Variants in TAB2 observed in about 807,000 individuals in gnomAD.
TAB2 encodes TGF-beta activated kinase 1 (MAP3K7) binding protein 2.
A neutral mutation model predicts 65.0 loss-of-function variants in TAB2; 3 were observed. The observed-to-expected ratio is 0.05, with a 90% confidence interval of 0.02 to 0.12. The LOEUF (loss-of-function observed/expected upper bound fraction) is 0.12, where lower values mean the gene tolerates loss of function less well. Among genes scored for constraint, TAB2 ranks in the 10% least tolerant of loss-of-function variants. TAB2 has a pLI of 1.00. For synonymous variants in TAB2, 298 were observed against 285.1 expected, an observed-to-expected ratio of 1.05 and a Z score of -0.46; for missense variants, 623 against 840.3, an observed-to-expected ratio of 0.74 and a Z score of 3.20.
chr6:149,264,953 A>G (rs1778230605), intron 1 of TAB2, among the ~76,000 whole-genome samples: 1 of 152,266 alleles, frequency 6.6e-6, no homozygotes, highest in Non-Finnish European at 1.5e-5. Context: ...TAGAAGAAGC[A>G]TAAACCATTT....
At chr6:149,253,794 C>T (rs376404053) in intron 1 of TAB2, among the ~76,000 whole-genome samples, 12 of 149,850 alleles carry the variant, frequency 8.0e-5, no homozygotes, top group Middle Eastern at 3.2e-3. Context: ...TGGTGGAGCA[C>T]GCCTGTAATC....
chr6:149,345,612 A>G (rs1423435014), intron 1 of TAB2, among the ~76,000 whole-genome samples: 2 of 152,174 alleles, frequency 1.3e-5, no homozygotes, highest in Non-Finnish European at 2.9e-5. Flanking sequence ...CCTTCCATCC[A>G]TGTGTCCTTC....
intron 6 of TAB2, among the ~76,000 whole-genome samples, chr6:149,399,540 C>CA (rs1782297153): frequency 6.9e-6 from 1 of 144,756 alleles, no homozygotes; most frequent in African/African-American, 2.5e-5. Flanking sequence ...TCCCCCCCCC[C>CA]ATGAGTATTT....
At chr6:149,385,631 A>G (rs1781767411) in intron 3 of TAB2, among the ~76,000 whole-genome samples, 1 of 152,174 alleles carries the variant, frequency 6.6e-6, no homozygotes, top group Non-Finnish European at 1.5e-5. Context: ...ATTTGGGGTA[A>G]ATGTCAGAAT....
At chr6:149,244,495 C>A (rs9399682) in intron 1 of TAB2, 10 of 152,282 alleles carry the variant, frequency 6.6e-5, no homozygotes, top group Admixed American at 3.3e-4. Context: ...GGATGTATCC[C>A]GGATAGAGGT....
intron 1 of TAB2, among the ~76,000 whole-genome samples, chr6:149,261,391 A>T (rs187409948): frequency 7.7e-4 from 118 of 152,384 alleles, no homozygotes; most frequent in Admixed American, 2.7e-3. Context: ...GTATTGGAAC[A>T]GATGAAAGCA....
Position 149,409,880 on chromosome 6 carries a change from A to G in TAB2, c.*161A>G. On this transcript the variant is annotated 3_prime_UTR_variant, in exon 7 of 7. Transcript: ENST00000637181. ...AATGTCAGCCCACAGAGCTAATAATACCTCAGTATAATGTCATGAGCAGTT... is the reference window on the plus strand; with the variant it reads ...AATGTCAGCCCACAGAGCTAATAATGCCTCAGTATAATGTCATGAGCAGTT... 1 of 769,820 alleles carries G rather than the reference A, an allele frequency of 1.3e-6. No homozygotes were observed. The highest frequency in any genetic ancestry group is 1.6e-5 in the South Asian group (1 of 62,386). 47.7% of individuals were successfully genotyped at this position (769,820 alleles called of 1,614,324 possible).
chr6:149,289,606 C>T (rs1778739200), intron 1 of TAB2, among the ~76,000 whole-genome samples: 1 of 152,332 alleles, frequency 6.6e-6, no homozygotes, highest in East Asian at 1.9e-4. Context: ...TCCACTCCAG[C>T]CACTGGGCCC....
At chr6:149,341,094 T>A (rs1393082367) in intron 1 of TAB2, among the ~76,000 whole-genome samples, 3 of 152,164 alleles carry the variant, frequency 2.0e-5, no homozygotes, top group Non-Finnish European at 4.4e-5. Context: ...TATGTTTTTT[T>A]AAAAAGGATT....
In TAB2 at chr6:149,335,229, A is replaced by G. The variant is rs141912820; in HGVS notation, c.-90+17214A>G. Among the ~76,000 whole-genome samples the G allele has an allele frequency of 7.9e-3, 1,197 of 152,110 alleles. 7 individuals are homozygous for G. Among genetic ancestry groups the G allele is most frequent in the Non-Finnish European group, 0.014 (983 of 67,996 alleles). ...AAAGGTGAAGATTATTTAGAATAAT[A>G]TCTACTACCATCATTACTACCACCC... On this transcript the variant is annotated intron_variant, in intron 1 of 6. Coordinates refer to ENST00000637181, the MANE Select transcript of TAB2 (RefSeq NM_001292034.3).
rs1270095728 is a variant in TAB2 at position 149,411,424 on chromosome 6, A to G, written c.*1705A>G. Reference sequence around the variant, plus strand: ...CTTACGTTTGATGCAATTTATTTTTAAAATAGGCCTTGTTTTTCAGCTTCA... The same window carrying G: ...CTTACGTTTGATGCAATTTATTTTTGAAATAGGCCTTGTTTTTCAGCTTCA... On this transcript the variant is annotated 3_prime_UTR_variant, in exon 7 of 7. Transcript: ENST00000637181. The G allele has an allele frequency of 6.6e-6, 1 of 152,630 alleles. No homozygotes were observed. Among genetic ancestry groups the G allele is most frequent in the Non-Finnish European group, 1.5e-5 (1 of 68,036 alleles). The allele number at this position is 152,630 out of a possible 1,614,324, so 9.5% of individuals were successfully genotyped here. A position where few individuals can be genotyped will look rare whatever the true frequency, so the allele number is the denominator to read the frequency against.
chr6:149,222,767 T>C (rs572604714), intron 1 of TAB2, among the ~76,000 whole-genome samples: 16 of 152,252 alleles, frequency 1.1e-4, no homozygotes, highest in African/African-American at 3.8e-4. Flanking sequence ...GACCTACACT[T>C]TTCTTGCTGA....
At chr6:149,333,666 G>A (rs991010647) in intron 1 of TAB2, among the ~76,000 whole-genome samples, 2 of 151,496 alleles carry the variant, frequency 1.3e-5, no homozygotes, top group South Asian at 4.2e-4. Context: ...TTAGGAGATT[G>A]GGTATTTTTA....
intron 2 of TAB2, chr6:149,372,362 A>C (rs1284830778): frequency 6.6e-6 from 1 of 152,192 alleles, no homozygotes; most frequent in East Asian, 1.9e-4. Context: ...AAAATTAATA[A>C]AAGATGTTTA....
At chr6:149,395,359 T>C (rs759184907) in intron 3 of TAB2, among the ~76,000 whole-genome samples, 2 of 152,242 alleles carry the variant, frequency 1.3e-5, no homozygotes, top group African/African-American at 2.4e-5. Context: ...CCCTGTCTGG[T>C]TTTTGTTTTG....
chr6:149,361,640 G>A (rs1780856890), intron 1 of TAB2, among the ~76,000 whole-genome samples: 1 of 152,212 alleles, frequency 6.6e-6, no homozygotes, highest in African/African-American at 2.4e-5. Flanking sequence ...CAAGTGGTGA[G>A]TCCACTTGCT....
At chr6:149,321,233 A>T (rs1041852875) in intron 1 of TAB2, 2 of 152,206 alleles carry the variant, frequency 1.3e-5, no homozygotes, top group Non-Finnish European at 2.9e-5. Flanking sequence ...ATTTGGAGAC[A>T]TTGAAATTAT....
chr6:149,325,693 A>G (rs1007766725), intron 1 of TAB2, among the ~76,000 whole-genome samples: 7 of 152,202 alleles, frequency 4.6e-5, no homozygotes, highest in Non-Finnish European at 8.8e-5. Flanking sequence ...ATATAATACT[A>G]CAAAACTTGT....
At chr6:149,321,655 A>G (rs1304537535) in intron 1 of TAB2, among the ~76,000 whole-genome samples, 1 of 152,152 alleles carries the variant, frequency 6.6e-6, no homozygotes, top group Non-Finnish European at 1.5e-5. Context: ...TTTCACTTGG[A>G]TTTTTATTGA....
Sources: allele counts gnomAD v4.1 joint callset (sites outside exome capture counted in the v4.1 genomes callset), GRCh38; gene constraint gnomAD v4.1.1; transcripts MANE v1.5; gene names NCBI Gene and HGNC (gene_info 2026-07-23, HGNC 2026-07-21).